BTRC: variants seen among roughly 807,000 people sequenced by gnomAD.
The protein encoded by BTRC is beta-transducin repeat containing E3 ubiquitin protein ligase, also known as F-box/WD repeat-containing protein 1A.
BTRC carries 42 observed loss-of-function variants against 85.5 expected under a neutral mutation model. The ratio of observed to expected loss-of-function variants is 0.49; its 90% CI spans 0.38 to 0.64. The LOEUF (loss-of-function observed/expected upper bound fraction) is 0.64. Among genes scored for constraint, BTRC ranks in the 30% least tolerant of loss-of-function variants. BTRC has a pLI of 0.00. For synonymous variants in BTRC, 255 were observed against 263.3 expected, an observed-to-expected ratio of 0.97 and a Z score of 0.30; for missense variants, 594 against 743.5, an observed-to-expected ratio of 0.80 and a Z score of 2.34.
chr10:101,467,667 T>C (rs1248478168), intron 3 of BTRC, among the ~76,000 whole-genome samples: 1 of 152,114 alleles, frequency 6.6e-6, no homozygotes, highest in East Asian at 1.9e-4. Context: ...TACCTCTTTT[T>C]GCCCTCCTAA....
chr10:101,368,345 CCTGCAGAA>C (rs1434393068), intron 1 of BTRC, among the ~76,000 whole-genome samples: 1 of 152,142 alleles, frequency 6.6e-6, no homozygotes, highest in Non-Finnish European at 1.5e-5. Flanking sequence ...TCTTGTACAG[CCTGCAGAA>C]CTGTGAGCCA....
At chr10:101,474,845 T>A (rs995595991) in intron 3 of BTRC, among the ~76,000 whole-genome samples, 1 of 152,236 alleles carries the variant, frequency 6.6e-6, no homozygotes, top group South Asian at 2.1e-4. Context: ...CCGTCTTTTT[T>A]AAGTCGATCT....
chr10:101,383,551 G>A (rs1166467797), intron 1 of BTRC, among the ~76,000 whole-genome samples: 1 of 151,976 alleles, frequency 6.6e-6, no homozygotes, highest in Non-Finnish European at 1.5e-5. Flanking sequence ...CCAGGCTGGA[G>A]TGCAGTGGTT....
chr10:101,432,556 G>A (rs893266611), intron 2 of BTRC, among the ~76,000 whole-genome samples: 1 of 152,006 alleles, frequency 6.6e-6, no homozygotes, highest in African/African-American at 2.4e-5. Context: ...TAGTTTAGGC[G>A]ATCTGCAAAG....
Position 101,555,180 on chromosome 10 carries a change from C to A in BTRC, c.*2057C>A, listed in dbSNP as rs1330482094. On this transcript the variant is annotated 3_prime_UTR_variant, in exon 15 of 15. Transcript: ENST00000370187. ...GCTATAGATGAAGGTAGAGGGCTGT[C>A]AGCCCTGAAAAACACACAGGTCAGA... 6.6e-6 allele frequency: 1 copy of A among 152,612 alleles called. No individual in the cohort carries two copies. The highest frequency in any genetic ancestry group is 2.4e-5 in the African/African-American group (1 of 41,438). The allele number at this position is 152,612 out of a possible 1,614,324, so 9.5% of individuals were successfully genotyped here.
rs1006367237 is a variant in BTRC at position 101,556,914 on chromosome 10, T to C, written c.*3791T>C. 6.6e-6 allele frequency: 1 copy of C among 152,194 alleles called. No individual in the cohort carries two copies. Among genetic ancestry groups the C allele is most frequent in the Non-Finnish European group, 1.5e-5 (1 of 68,056 alleles). The allele number at this position is 152,194 out of a possible 1,614,324, so 9.4% of individuals were successfully genotyped here. On this transcript the variant is annotated 3_prime_UTR_variant, in exon 15 of 15. Coordinates refer to ENST00000370187, the MANE Select transcript of BTRC (RefSeq NM_033637.4). The stretch of plus-strand genomic sequence containing the variant: ...GGATCAGTGCAGTTAAGTCGTATTT[T>C]AAAGTGTTACCTCCCCTCCTAACCC...
chr10:101,433,210 G>A (rs1175728438), intron 2 of BTRC, among the ~76,000 whole-genome samples: 1 of 152,060 alleles, frequency 6.6e-6, no homozygotes, highest in Admixed American at 6.6e-5. Context: ...TTGATCTTGG[G>A]TATTTGGCAA....
At chr10:101,386,429 T>C (rs1589408163) in intron 1 of BTRC, among the ~76,000 whole-genome samples, 1 of 152,318 alleles carries the variant, frequency 6.6e-6, no homozygotes, top group East Asian at 1.9e-4. Context: ...CTTCATCCTC[T>C]TAAGGTATCA....
chr10:101,542,445 T>C (rs1195573931), intron 13 of BTRC, among the ~76,000 whole-genome samples: 3 of 152,244 alleles, frequency 2.0e-5, no homozygotes, highest in Non-Finnish European at 4.4e-5. Context: ...TGGTTTATAA[T>C]ATTCAGGTCT....
At chr10:101,372,342 T>C (rs565020324) in intron 1 of BTRC, among the ~76,000 whole-genome samples, 53 of 151,022 alleles carry the variant, frequency 3.5e-4, no homozygotes, top group African/African-American at 1.2e-3. Context: ...CTGCAACATC[T>C]GCCTCCTGGG....
intron 1 of BTRC, among the ~76,000 whole-genome samples, chr10:101,404,030 A>ATATATATATATATTT (rs1232082481): frequency 3.9e-5 from 1 of 25,424 alleles, no homozygotes; most frequent in African/African-American, 1.9e-4. Context: ...ATATATATAT[A>ATATATATATATATTT]TTTTTTTTTT....
intron 13 of BTRC, 126 bp from the exon 14 acceptor site, chr10:101,550,571 TGC>T: frequency 1.1e-6 from 1 of 939,510 alleles, no homozygotes; most frequent in Admixed American, 2.3e-5. Context: ...TGTGAGCCAC[TGC>T]GCCTGGCCTC....
Position 101,479,349 on chromosome 10 carries a change from C to A in BTRC, c.235-19C>A. On this transcript the variant is annotated intron_variant, in intron 3 of 14. Transcript: ENST00000370187. ...TTTCAATATTTTAAAAACCTGTTTC[C>A]AACAAATTCTCTTTACAGACATACA... 6.3e-7 allele frequency: 1 copy of A among 1,596,216 alleles called. No individual in the cohort carries two copies. The highest frequency in any genetic ancestry group is 1.1e-5 in the South Asian group (1 of 89,836).
chr10:101,491,095 G>A (rs1414053943), intron 4 of BTRC, among the ~76,000 whole-genome samples: 1 of 151,642 alleles, frequency 6.6e-6, no homozygotes, highest in Admixed American at 6.6e-5. Flanking sequence ...GGGTTACCTA[G>A]TCAGTAATTC....
Position 101,553,630 on chromosome 10 carries a change from G to A in BTRC, c.*507G>A, listed in dbSNP as rs2062685290. The A allele has an allele frequency of 6.5e-6, 1 of 152,726 alleles. No individual in the cohort carries two copies. The highest frequency in any genetic ancestry group is 2.1e-4 in the South Asian group (1 of 4,836). 9.5% of individuals were successfully genotyped at this position (152,726 alleles called of 1,614,324 possible). A position where few individuals can be genotyped will look rare whatever the true frequency, so the allele number is the denominator to read the frequency against. ...TTAACTGCAGGAATGCCAAGCACCT[G>A]GCCAGAGCAGCCCAGCCCCAATATG... On this transcript the variant is annotated 3_prime_UTR_variant, in exon 15 of 15. Coordinates refer to ENST00000370187, the MANE Select transcript of BTRC (RefSeq NM_033637.4).
chr10:101,391,162 C>T (rs1320236102), intron 1 of BTRC, among the ~76,000 whole-genome samples: 1 of 152,150 alleles, frequency 6.6e-6, no homozygotes, highest in Non-Finnish European at 1.5e-5. Context: ...ACTACCGCTC[C>T]TGCTGTGATT....
At position 101,368,464 on chromosome 10, in the gene BTRC, CTTTTTTTTTTTTTT is replaced by C. The variant is rs60190021; in HGVS notation, c.48+14255_48+14268del. 7.6e-3 allele frequency among the ~76,000 whole-genome samples: 576 copies of C among 75,344 alleles called. 4 individuals are homozygous for C. The highest frequency in any genetic ancestry group is 0.011 in the Non-Finnish European group (487 of 44,674). The allele number at this position is 75,344 out of a possible 152,430, so 49.4% of individuals were successfully genotyped here. A position where few individuals can be genotyped will look rare whatever the true frequency, so the allele number is the denominator to read the frequency against. On this transcript the variant is annotated intron_variant, in intron 1 of 14. Coordinates refer to ENST00000370187, the MANE Select transcript of BTRC (RefSeq NM_033637.4). The stretch of plus-strand genomic sequence containing the variant: ...TAGTAGAACCTATGCAACTGTTTTT[CTTTTTTTTTTTTTT>C]TTTTTTTTTTTTTTTTTTAGAGACA...
At position 101,521,752 on chromosome 10, in the gene BTRC, G is replaced by C. The variant is rs1298898652; in HGVS notation, c.438G>C (p.Glu146Asp). 6.2e-7 allele frequency: 1 copy of C among 1,614,140 alleles called. No homozygotes were observed. ...TCAAATACTTTGAGCAGTGGTCAGA[G>C]TCAGATCAAGTGGAATTTGTGGAAC... ...LCVKYFEQWSESDQVEFVEHL... is the reference protein window; with the variant it reads ...LCVKYFEQWSDSDQVEFVEHL... Residue 146 changes from glutamate (E) to aspartate (D), a missense_variant, in exon 5 of 15, where the codon GAG (glutamate) becomes GAC (aspartate). Physicochemically the swap from Glu to Asp is conservative, Grantham distance 45. Around this residue, in one of 4 missense-constraint regions of BTRC, gnomAD observed 163 missense variants for 180.5 expected, o/e 0.90. Transcript: ENST00000370187.
At chr10:101,511,764 T>C (rs987487875) in intron 4 of BTRC, among the ~76,000 whole-genome samples, 9 of 152,186 alleles carry the variant, frequency 5.9e-5, no homozygotes, top group African/African-American at 1.9e-4. Flanking sequence ...TGACCTCAAG[T>C]GATCCACCCA....
Sources: gnomAD v4.1 joint callset for allele counts (sites outside exome capture counted in the v4.1 genomes callset) on GRCh38, gnomAD v4.1.1 for gene constraint, gnomAD v4.1.1 regional missense constraint, MANE v1.5 for transcripts, NCBI Gene and HGNC (gene_info 2026-07-23, HGNC 2026-07-21) for gene names.